PITPNC1: variants seen among roughly 807,000 people sequenced by gnomAD.
PITPNC1 encodes phosphatidylinositol transfer protein cytoplasmic 1, also known as cytoplasmic phosphatidylinositol transfer protein 1.
Under a neutral mutation model 44.7 loss-of-function variants are expected in PITPNC1, and 18 were observed. That is an observed-to-expected ratio of 0.40 (90% CI 0.28 to 0.60). PITPNC1 has a LOEUF of 0.60. PITPNC1 is among the 20% of genes least tolerant of loss of function. PITPNC1 has a pLI of 0.39. For missense variants in PITPNC1, 290 were observed against 418.4 expected, an observed-to-expected ratio of 0.69 and a Z score of 2.68; for synonymous variants, 141 against 149.6, an observed-to-expected ratio of 0.94 and a Z score of 0.42.
At chr17:67,610,980 G>T (rs970523139) in intron 5 of PITPNC1, among the ~76,000 whole-genome samples, 1 of 151,742 alleles carries the variant, frequency 6.6e-6, no homozygotes, top group Admixed American at 6.6e-5. Context: ...TTTGACATCT[G>T]CTGCTACTTG....
chr17:67,387,342 G>C (rs2038069937), intron 1 of PITPNC1, among the ~76,000 whole-genome samples: 1 of 152,174 alleles, frequency 6.6e-6, no homozygotes, highest in Non-Finnish European at 1.5e-5. Flanking sequence ...CGTCTTTCCT[G>C]AACACTCCAT....
chr17:67,438,208 C>T (rs1456411187), intron 1 of PITPNC1, among the ~76,000 whole-genome samples: 1 of 152,200 alleles, frequency 6.6e-6, no homozygotes, highest in African/African-American at 2.4e-5. Context: ...GCACATAGAC[C>T]TCTAGTCAGT....
intron 1 of PITPNC1, among the ~76,000 whole-genome samples, chr17:67,447,909 T>C (rs1438742114): frequency 6.6e-6 from 1 of 151,748 alleles, no homozygotes; most frequent in Non-Finnish European, 1.5e-5. Flanking sequence ...TTTCTTTCTT[T>C]CTCTCTCTGT....
chr17:67,412,073 C>A (rs887776088), intron 1 of PITPNC1, among the ~76,000 whole-genome samples: 2 of 152,136 alleles, frequency 1.3e-5, no homozygotes, highest in Non-Finnish European at 2.9e-5. Flanking sequence ...GGCAAGTCAA[C>A]GAAATTTTCT....
chr17:67,615,659 C>A (rs536797269), intron 5 of PITPNC1, among the ~76,000 whole-genome samples: 1 of 152,096 alleles, frequency 6.6e-6, no homozygotes, highest in Non-Finnish European at 1.5e-5. Flanking sequence ...AAGGCTGGCC[C>A]GTGAGTGTCT....
intron 1 of PITPNC1, among the ~76,000 whole-genome samples, chr17:67,461,606 G>C (rs749207907): frequency 6.6e-6 from 1 of 152,190 alleles, no homozygotes; most frequent in Non-Finnish European, 1.5e-5. Flanking sequence ...GCAACACCCA[G>C]ATATCCAAGA....
intron 5 of PITPNC1, among the ~76,000 whole-genome samples, chr17:67,608,526 T>A (rs1338379013): frequency 6.6e-6 from 1 of 150,434 alleles, no homozygotes; most frequent in Non-Finnish European, 1.5e-5. Context: ...GTTTCACTCC[T>A]GTTGCCCAGT....
chr17:67,668,150 C>T (rs2042452302), intron 6 of PITPNC1, among the ~76,000 whole-genome samples: 1 of 152,114 alleles, frequency 6.6e-6, no homozygotes, highest in Non-Finnish European at 1.5e-5. Context: ...AGCCCCCACC[C>T]CCAAAGAGAT....
intron 1 of PITPNC1, among the ~76,000 whole-genome samples, chr17:67,485,341 G>C (rs1379945523): frequency 1.3e-5 from 2 of 148,990 alleles, no homozygotes; most frequent in Non-Finnish European, 3.0e-5. Flanking sequence ...AACTAGAATT[G>C]TGTACTGAGA....
intron 1 of PITPNC1, among the ~76,000 whole-genome samples, chr17:67,502,059 G>C (rs1284351128): frequency 3.3e-5 from 5 of 152,150 alleles, no homozygotes; most frequent in Non-Finnish European, 1.5e-5. Flanking sequence ...AAATTTGTTT[G>C]GGAGGCGTTA....
Position 67,693,174 on chromosome 17 carries a change from G to T in PITPNC1, c.*286G>T. On this transcript the variant is annotated 3_prime_UTR_variant, in exon 9 of 9. Coordinates refer to ENST00000581322, the MANE Select transcript of PITPNC1 (RefSeq NM_012417.4). Reference sequence around the variant, plus strand: ...GCCTTGTTATTGGGCATTTGATGAGGTTTGGCATGGACTTCAAGGATAAAT... The same window carrying T: ...GCCTTGTTATTGGGCATTTGATGAGTTTTGGCATGGACTTCAAGGATAAAT... 3.1e-6 allele frequency: 1 copy of T among 319,930 alleles called. No homozygotes were observed. Among genetic ancestry groups the T allele is most frequent in the Non-Finnish European group, 5.6e-6 (1 of 177,396 alleles). The allele number at this position is 319,930 out of a possible 1,614,324, so 19.8% of individuals were successfully genotyped here.
chr17:67,447,399 T>G (rs547841348), intron 1 of PITPNC1, among the ~76,000 whole-genome samples: 1 of 152,158 alleles, frequency 6.6e-6, no homozygotes, highest in South Asian at 2.1e-4. Context: ...ATGCCCCTTA[T>G]GTAAGTCCTC....
At chr17:67,451,685 C>T (rs1156503266) in intron 1 of PITPNC1, among the ~76,000 whole-genome samples, 1 of 150,820 alleles carries the variant, frequency 6.6e-6, no homozygotes, top group Non-Finnish European at 1.5e-5. Flanking sequence ...GTCGCCCAGG[C>T]TGGAGTGCAG....
intron 1 of PITPNC1, among the ~76,000 whole-genome samples, chr17:67,470,726 G>T (rs2039512399): frequency 6.6e-6 from 1 of 152,158 alleles, no homozygotes; most frequent in African/African-American, 2.4e-5. Context: ...TTGAGAACAG[G>T]CCAGGATGAC....
chr17:67,489,797 G>T (rs1436946497), intron 1 of PITPNC1, among the ~76,000 whole-genome samples: 1 of 152,076 alleles, frequency 6.6e-6, no homozygotes, highest in Middle Eastern at 3.2e-3. Context: ...AGGCTAGAGT[G>T]CAGTGATAGG....
At chr17:67,471,335 C>T (rs915866424) in intron 1 of PITPNC1, among the ~76,000 whole-genome samples, 13 of 150,530 alleles carry the variant, frequency 8.6e-5, no homozygotes, top group African/African-American at 2.9e-4. Flanking sequence ...AATGGATATA[C>T]CACAGTCTGT....
At chr17:67,550,573 A>G (rs1447812741) in intron 2 of PITPNC1, among the ~76,000 whole-genome samples, 2 of 151,938 alleles carry the variant, frequency 1.3e-5, no homozygotes, top group African/African-American at 4.8e-5. Context: ...ATCAGCTTGG[A>G]ATTCAAAACC....
At chr17:67,553,830 G>A (rs369555454) in intron 4 of PITPNC1, among the ~76,000 whole-genome samples, 4 of 152,122 alleles carry the variant, frequency 2.6e-5, no homozygotes, top group Non-Finnish European at 5.9e-5. Flanking sequence ...AATTGAAATC[G>A]CCTTGATAGT....
At chr17:67,485,063 G>T (rs2039758370) in intron 1 of PITPNC1, among the ~76,000 whole-genome samples, 1 of 152,282 alleles carries the variant, frequency 6.6e-6, no homozygotes, top group Non-Finnish European at 1.5e-5. Context: ...ACTCAGAAAG[G>T]TCAAGTGACT....
Sources: gnomAD v4.1 joint callset for allele counts (sites outside exome capture counted in the v4.1 genomes callset) on GRCh38, gnomAD v4.1.1 for gene constraint, MANE v1.5 for transcripts, NCBI Gene and HGNC (gene_info 2026-07-23, HGNC 2026-07-21) for gene names.